PTPRB: variants seen among roughly 807,000 people sequenced by gnomAD.
PTPRB encodes the protein protein tyrosine phosphatase receptor type B.
A neutral mutation model predicts 238.1 loss-of-function variants in PTPRB; 97 were observed. That is an observed-to-expected ratio of 0.41 (90% CI 0.35 to 0.48). The LOEUF (loss-of-function observed/expected upper bound fraction) is 0.48. PTPRB is among the 20% of genes least tolerant of loss of function. The probability of loss-of-function intolerance (pLI) is 0.30; values close to 1 mark genes in which losing one functional copy is unlikely to be tolerated. For missense variants in PTPRB, 2,292 were observed against 2,681.9 expected (o/e 0.85, Z 3.21); for synonymous variants, 970 against 995.4 (o/e 0.97, Z 0.48).
intron 11 of PTPRB, among the ~76,000 whole-genome samples, chr12:70,573,490 TTTTTC>T (rs200710957): frequency 0.038 from 5,468 of 144,318 alleles, 244 homozygotes; most frequent in African/African-American, 0.11. Context: ...CATGGTTTCT[TTTTTC>T]TTTTCTTTTC....
chr12:70,559,861 G>C (rs1878253069), intron 17 of PTPRB, among the ~76,000 whole-genome samples: 1 of 127,936 alleles, frequency 7.8e-6, no homozygotes, highest in Non-Finnish European at 1.6e-5. Context: ...TTGAGACAGA[G>C]TTTTGCTCTT....
Position 70,576,684 on chromosome 12 carries a change from A to AGGGGGGGGG in PTPRB, c.2579-40_2579-39insCCCCCCCCC, listed in dbSNP as rs1313001377. 255 of 29,822 alleles carry AGGGGGGGGG rather than the reference A, an allele frequency of 8.6e-3. 2 individuals carry two copies. The highest frequency in any genetic ancestry group is 0.015 in the Middle Eastern group (1 of 68). 1.8% of individuals were successfully genotyped at this position (29,822 alleles called of 1,614,324 possible). On this transcript the variant is annotated intron_variant, in intron 10 of 33. Transcript: ENST00000334414. ...AGGTGGGGGGCGGGGGGGGGGGGGA[A>AGGGGGGGGG]GGGGGATTCAAAAAGAAAGACACAG...
In PTPRB at chr12:70,590,079, T is replaced by C. The variant is rs747297903; in HGVS notation, c.1935A>G (p.Glu645=). 7.4e-6 allele frequency: 12 copies of C among 1,614,012 alleles called. No individual in the cohort carries two copies. Among genetic ancestry groups the C allele is most frequent in the Non-Finnish European group, 1.0e-5 (12 of 1,179,868 alleles). Residue 645 remains glutamate (E), a synonymous_variant, in exon 8 of 34, where the codon GAA becomes GAG. Transcript: ENST00000334414. ...VVLLNITVGK[E]ETQYVMDDTG... The stretch of plus-strand genomic sequence containing the variant: ...TGTCATCCATGACATACTGTGTTTC[T>C]TCCTTTCCCACAGTGATGTTGAGCA...
At chr12:70,575,110 CA>C (rs1160016761) in intron 11 of PTPRB, among the ~76,000 whole-genome samples, 3 of 152,124 alleles carry the variant, frequency 2.0e-5, no homozygotes, top group Non-Finnish European at 2.9e-5. Context: ...TCAAATTATT[CA>C]AGGGTAGGGA....
intron 9 of PTPRB, among the ~76,000 whole-genome samples, chr12:70,581,945 T>C (rs1419655606): frequency 6.6e-6 from 1 of 152,144 alleles, no homozygotes; most frequent in East Asian, 1.9e-4. Context: ...AAGTTGACTT[T>C]ATTATTCCAT....
chr12:70,626,930 A>C (rs931030241), intron 2 of PTPRB, among the ~76,000 whole-genome samples: 1 of 152,142 alleles, frequency 6.6e-6, no homozygotes. Flanking sequence ...TACATATCTA[A>C]ATTACTTTTA....
At position 70,581,074 on chromosome 12, in the gene PTPRB, C is replaced by T; in HGVS notation, c.2540G>A (p.Gly847Glu). 1.9e-6 allele frequency: 3 copies of T among 1,613,966 alleles called. No individual in the cohort carries two copies. The highest frequency in any genetic ancestry group is 1.7e-6 in the Non-Finnish European group (2 of 1,179,886). ...CACAACCACTTGTCGGGAAGAGATC[C>T]CTCCACTCACTGTTGTTACCACCAC... is the stretch of plus-strand genomic sequence containing the variant. ...YSVVVTTVSG[G>E]ISSRQVVVEG... The change falls in exon 10 of 34, where the codon GGG becomes GAG. Residue 847 changes from glycine (G) to glutamate (E), a missense_variant. Coordinates refer to ENST00000334414, the MANE Select transcript of PTPRB (RefSeq NM_001109754.4).
chr12:70,565,837 T>A (rs926030287), intron 15 of PTPRB, among the ~76,000 whole-genome samples: 1 of 152,150 alleles, frequency 6.6e-6, no homozygotes, highest in African/African-American at 2.4e-5. Context: ...TGTGATTAAG[T>A]TAAGGATCTT....
chr12:70,618,582 C>T (rs1291165987), intron 3 of PTPRB, among the ~76,000 whole-genome samples: 1 of 152,166 alleles, frequency 6.6e-6, no homozygotes, highest in African/African-American at 2.4e-5. Context: ...GTCCCAGCTT[C>T]TGATTTATTA....
At chr12:70,636,769 T>G (rs1440900849) in intron 1 of PTPRB, among the ~76,000 whole-genome samples, 1 of 152,182 alleles carries the variant, frequency 6.6e-6, no homozygotes, top group African/African-American at 2.4e-5. Flanking sequence ...CTAAAAATCA[T>G]CATGTGCCAG....
intron 21 of PTPRB, among the ~76,000 whole-genome samples, chr12:70,545,168 C>A (rs1424206493): frequency 6.6e-6 from 1 of 152,094 alleles, no homozygotes; most frequent in African/African-American, 2.4e-5. Flanking sequence ...TCCACATGTT[C>A]TGGATGGGGA....
At position 70,518,714 on chromosome 12, in the gene PTPRB, G is replaced by C. The variant is rs1240943190; in HGVS notation, c.*2775C>G. On this transcript the variant is annotated 3_prime_UTR_variant, in exon 34 of 34. Transcript: ENST00000334414. ...GAGCTGAACAATTGGCTGCTTTCCA[G>C]AGAACAACAGAATGACAATACAAAA... 6 of 152,126 alleles carry C rather than the reference G, an allele frequency of 3.9e-5. No homozygotes were observed. The highest frequency in any genetic ancestry group is 2.9e-5 in the Non-Finnish European group (2 of 68,034). The allele number at this position is 152,126 out of a possible 1,614,324, so 9.4% of individuals were successfully genotyped here. A position where few individuals can be genotyped will look rare whatever the true frequency, so the allele number is the denominator to read the frequency against.
At chr12:70,581,675 G>C (rs1197087134) in intron 9 of PTPRB, among the ~76,000 whole-genome samples, 2 of 152,056 alleles carry the variant, frequency 1.3e-5, no homozygotes, top group African/African-American at 2.4e-5. Context: ...TAATCTACCT[G>C]AGCCAATGAT....
chr12:70,624,676 T>A (rs1194741454), intron 2 of PTPRB, among the ~76,000 whole-genome samples: 1 of 152,144 alleles, frequency 6.6e-6, no homozygotes, highest in Non-Finnish European at 1.5e-5. Context: ...CTGTGGTAGA[T>A]CCTGATCCTC....
In PTPRB at chr12:70,569,950, A is replaced by G. The variant is rs997339043; in HGVS notation, c.3371-12T>C. 216 of 1,590,542 alleles carry G rather than the reference A, an allele frequency of 1.4e-4. No homozygotes were observed. Among genetic ancestry groups the G allele is most frequent in the Non-Finnish European group, 1.8e-4 (214 of 1,160,428 alleles). On this transcript the variant is annotated splice_polypyrimidine_tract_variant and intron_variant, in intron 13 of 33. Transcript: ENST00000334414. ...GACAGCACTAGGAACTAAAACAGAA[A>G]ATAAATTTAAAAGTCATCACTTAGA... is the stretch of plus-strand genomic sequence containing the variant.
At chr12:70,559,184 G>T in intron 18 of PTPRB, 159 bp downstream of exon 18, 2 of 765,498 alleles carry the variant, frequency 2.6e-6, no homozygotes, top group Non-Finnish European at 2.2e-6. Flanking sequence ...TGTTAATGTT[G>T]AATGAACGAA....
At chr12:70,623,052 T>C (rs7295237) in intron 2 of PTPRB, among the ~76,000 whole-genome samples, 36,117 of 152,058 alleles carry the variant, frequency 0.24, 4,714 homozygotes, top group African/African-American at 0.35. Flanking sequence ...TGTGGGGTAC[T>C]GTCATAGCTT....
intron 20 of PTPRB, among the ~76,000 whole-genome samples, chr12:70,553,290 G>C (rs1301775534): frequency 6.6e-6 from 1 of 152,156 alleles, no homozygotes; most frequent in East Asian, 1.9e-4. Flanking sequence ...GTAGCTCATT[G>C]CATTAAATGA....
intron 2 of PTPRB, among the ~76,000 whole-genome samples, chr12:70,627,061 C>T (rs1212889676): frequency 6.6e-6 from 1 of 151,994 alleles, no homozygotes; most frequent in Non-Finnish European, 1.5e-5. Flanking sequence ...AATTGAAAGG[C>T]TAACTAAATC....
Sources: allele counts gnomAD v4.1 joint callset (sites outside exome capture counted in the v4.1 genomes callset), GRCh38; gene constraint gnomAD v4.1.1; transcripts MANE v1.5; gene names NCBI Gene and HGNC (gene_info 2026-07-23, HGNC 2026-07-21).